The following TAF1B variants were observed in gnomAD, a reference collection of about 807,000 sequenced individuals.
TAF1B encodes the protein TATA-box binding protein associated factor, RNA polymerase I subunit B.
Under a neutral mutation model 83.9 loss-of-function variants are expected in TAF1B, and 61 were observed. That is an observed-to-expected ratio of 0.73 (90% CI 0.59 to 0.90). The LOEUF (loss-of-function observed/expected upper bound fraction) is 0.90. TAF1B is among the 40% of genes least tolerant of loss of function. The probability of loss-of-function intolerance (pLI) is 0.00; values close to 1 mark genes in which losing one functional copy is unlikely to be tolerated. For synonymous variants in TAF1B, 221 were observed against 224.6 expected (o/e 0.98, Z 0.14); for missense variants, 625 against 677.0 (o/e 0.92, Z 0.85).
At position 9,843,569 on chromosome 2, in the gene TAF1B, C is replaced by T. The variant is rs1298492767; in HGVS notation, c.18+10C>T. The T allele has an allele frequency of 2.6e-6, 4 of 1,520,004 alleles. No individual in the cohort carries two copies. Among genetic ancestry groups the T allele is most frequent in the East Asian group, 2.7e-5 (1 of 37,510 alleles). 94.2% of individuals were successfully genotyped at this position (1,520,004 alleles called of 1,614,324 possible). On this transcript the variant is annotated intron_variant, in intron 1 of 14. Coordinates refer to ENST00000263663, the MANE Select transcript of TAF1B (RefSeq NM_005680.3). ...GGACCTCGAGGAGGCGGTAAGGAGGCGGTGCACCTGGCGGGCCACGATCGC... is the reference window on the plus strand; with the variant it reads ...GGACCTCGAGGAGGCGGTAAGGAGGTGGTGCACCTGGCGGGCCACGATCGC...
chr2:9,911,699 G>A (rs896073179), intron 11 of TAF1B, 142 bp downstream of exon 11: 1 of 496,882 alleles, frequency 2.0e-6, no homozygotes, highest in Non-Finnish European at 3.4e-6. Context: ...TACCAGTATT[G>A]TTTTTTCATA....
At chr2:9,846,688 A>G (rs1362061062) in intron 2 of TAF1B, among the ~76,000 whole-genome samples, 15 of 152,228 alleles carry the variant, frequency 9.9e-5, no homozygotes, top group Admixed American at 9.2e-4. Flanking sequence ...TCCTTGAGGC[A>G]GTGTTCTTGA....
At chr2:9,868,576 T>C (rs1384447077) in intron 6 of TAF1B, 147 bp downstream of exon 6, 13 of 1,155,906 alleles carry the variant, frequency 1.1e-5, no homozygotes, top group South Asian at 9.3e-5. Context: ...CTGAATCATA[T>C]GGCTAAGACA....
chr2:9,861,865 A>G (rs546163382), intron 5 of TAF1B, among the ~76,000 whole-genome samples: 2,172 of 152,338 alleles, frequency 0.014, 59 homozygotes, highest in African/African-American at 0.046. Context: ...GCAAACTCCA[A>G]CAGACCTGCA....
chr2:9,910,178 T>C (rs938622779), intron 9 of TAF1B, among the ~76,000 whole-genome samples: 5 of 152,204 alleles, frequency 3.3e-5, no homozygotes, highest in Admixed American at 6.5e-5. Flanking sequence ...GTGACTCTGA[T>C]CCAAGAGTCA....
chr2:9,860,234 G>T (rs1321489673), intron 5 of TAF1B, among the ~76,000 whole-genome samples: 1 of 152,270 alleles, frequency 6.6e-6, no homozygotes, highest in East Asian at 1.9e-4. Context: ...AACCATATCA[G>T]CATCCAAGAG....
At chr2:9,852,081 C>T (rs1006923019) in intron 4 of TAF1B, 1 of 468,376 alleles carries the variant, frequency 2.1e-6, no homozygotes, top group Non-Finnish European at 4.4e-6. Flanking sequence ...ATATGCTAAA[C>T]CAGTCGTTCA....
chr2:9,895,109 T>C (rs576908794), intron 8 of TAF1B, among the ~76,000 whole-genome samples: 81 of 152,314 alleles, frequency 5.3e-4, no homozygotes, highest in African/African-American at 1.9e-3. Context: ...TGACAACGCG[T>C]TTCTAAAAAG....
chr2:9,867,647 GAGGTCTTT>G (rs1664030530), intron 5 of TAF1B, among the ~76,000 whole-genome samples: 1 of 152,118 alleles, frequency 6.6e-6, no homozygotes, highest in Non-Finnish European at 1.5e-5. Context: ...GTCAGCTAAT[GAGGTCTTT>G]AGGTAGCCAG....
intron 8 of TAF1B, among the ~76,000 whole-genome samples, chr2:9,883,342 C>T (rs1664570189): frequency 6.6e-6 from 1 of 152,150 alleles, no homozygotes. Flanking sequence ...CCTTGGTTCT[C>T]ATCAGAAGTT....
At chr2:9,849,592 T>C in intron 3 of TAF1B, 132 bp downstream of exon 3, 1 of 578,520 alleles carries the variant, frequency 1.7e-6, no homozygotes, top group Non-Finnish European at 2.9e-6. Context: ...CATACGTTCT[T>C]CTATCCTATG....
intron 2 of TAF1B, among the ~76,000 whole-genome samples, chr2:9,847,964 A>G (rs369152322): frequency 2.0e-5 from 3 of 152,200 alleles, no homozygotes; most frequent in African/African-American, 7.2e-5. Flanking sequence ...TTTTTTATAG[A>G]CTGTAAATAT....
chr2:9,862,360 A>G (rs1281014514), intron 5 of TAF1B, among the ~76,000 whole-genome samples: 1 of 152,214 alleles, frequency 6.6e-6, no homozygotes, highest in African/African-American at 2.4e-5. Context: ...GGAAGATGAA[A>G]TGAATGAAAT....
At chr2:9,904,425 AAG>A (rs1303880101) in intron 8 of TAF1B, among the ~76,000 whole-genome samples, 2 of 152,202 alleles carry the variant, frequency 1.3e-5, no homozygotes, top group Non-Finnish European at 2.9e-5. Flanking sequence ...TGTCACTGCA[AAG>A]GACATGATCT....
intron 14 of TAF1B, among the ~76,000 whole-genome samples, chr2:9,926,624 A>C (rs1474474573): frequency 6.6e-6 from 1 of 152,046 alleles, no homozygotes; most frequent in Admixed American, 6.6e-5. Context: ...GGATCACCTG[A>C]GGTCAGGAGT....
chr2:9,931,769 A>C (rs1666220639), intron 14 of TAF1B, among the ~76,000 whole-genome samples: 1 of 152,310 alleles, frequency 6.6e-6, no homozygotes, highest in African/African-American at 2.4e-5. Flanking sequence ...GTGTTTTCCA[A>C]CTTGGTTCCA....
chr2:9,898,297 T>C (rs1486887916), intron 8 of TAF1B, among the ~76,000 whole-genome samples: 1 of 152,276 alleles, frequency 6.6e-6, no homozygotes, highest in Non-Finnish European at 1.5e-5. Context: ...TCTAAGAAGA[T>C]GTTTTTCGTA....
Position 9,910,780 on chromosome 2 carries a change from A to G in TAF1B, c.1000A>G (p.Met334Val). The G allele has an allele frequency of 6.2e-7, 1 of 1,613,394 alleles. No homozygotes were observed. Among genetic ancestry groups the G allele is most frequent in the South Asian group, 1.1e-5 (1 of 90,982 alleles). The change falls in exon 10 of 15, where the codon ATG becomes GTG. Residue 334 changes from methionine (M) to valine (V), a missense_variant. Transcript: ENST00000263663. ...TTGCCACGTGGTAAAAATGACTGGA[A>G]TGGGAGAAGTGGATTTTCTGACATT... ...LTCHVVKMTG[M>V]GEVDFLTFDP...
At chr2:9,905,464 A>G (rs181564698) in intron 9 of TAF1B, among the ~76,000 whole-genome samples, 28 of 152,318 alleles carry the variant, frequency 1.8e-4, no homozygotes, top group Middle Eastern at 3.4e-3. Context: ...TATCCAGTCC[A>G]TAAAACAAAT....
Sources: allele counts gnomAD v4.1 joint callset (sites outside exome capture counted in the v4.1 genomes callset), GRCh38; gene constraint gnomAD v4.1.1; transcripts MANE v1.5; gene names NCBI Gene and HGNC (gene_info 2026-07-23, HGNC 2026-07-21).